ZNF215: variants seen among roughly 807,000 people sequenced by gnomAD.
ZNF215 encodes the protein BWSCR2-associated zinc finger protein 2.
A neutral mutation model predicts 27.2 loss-of-function variants in ZNF215; 24 were observed. The ratio of observed to expected loss-of-function variants is 0.88; its 90% confidence interval spans 0.64 to 1.24. The LOEUF (loss-of-function observed/expected upper bound fraction) is 1.24, where lower values mean the gene tolerates loss of function less well. ZNF215 is among the 50% of genes most tolerant of loss of function. The pLI is 0.00. For synonymous variants in ZNF215, 210 were observed against 204.0 expected (o/e 1.03, Z -0.25); for missense variants, 675 against 605.7 (o/e 1.11, Z -1.20).
chr11:6,986,666 CAA>C (rs1851057700), downstream of ZNF215, among the ~76,000 whole-genome samples: 1 of 151,724 alleles, frequency 6.6e-6, no homozygotes. Flanking sequence ...AATCAACAAA[CAA>C]AAACCCCATT....
At chr11:6,990,226 C>T (rs1851101869), downstream of ZNF215, among the ~76,000 whole-genome samples, 1 of 152,158 alleles carries the variant, frequency 6.6e-6, no homozygotes. Context: ...CCATGGATTT[C>T]TTCGTAGCAG....
chr11:6,957,744 G>C lies in ZNF215; in HGVS notation c.*1213G>C. On this transcript the variant is annotated 3_prime_UTR_variant, in exon 7 of 7. Coordinates refer to ENST00000278319, the MANE Select transcript of ZNF215 (RefSeq NM_013250.4). ...TGATGATGTTCAGTGCAGACTTACT[G>C]TACCTTTGGGAATTTAGGCTGGAGA... 1 of 985,312 alleles carries C rather than the reference G, an allele frequency of 1.0e-6. No homozygotes were observed. Among genetic ancestry groups the C allele is most frequent in the Non-Finnish European group, 1.2e-6 (1 of 829,894 alleles). 61.0% of individuals were successfully genotyped at this position (985,312 alleles called of 1,614,324 possible).
intron 5 of ZNF215, among the ~76,000 whole-genome samples, chr11:6,968,847 C>G (rs1049430946): frequency 6.6e-6 from 1 of 151,860 alleles, no homozygotes; most frequent in Non-Finnish European, 1.5e-5. Context: ...GCCTGGGCAA[C>G]AGAGCGAGAC....
intron 2 of ZNF215, among the ~76,000 whole-genome samples, chr11:6,929,227 G>GA (rs1001504529): frequency 6.6e-6 from 1 of 152,038 alleles, no homozygotes. Context: ...CATTCACAGA[G>GA]AAAAAAAGTT....
chr11:6,958,930 C>A (rs914887903), downstream of ZNF215, among the ~76,000 whole-genome samples: 2 of 152,160 alleles, frequency 1.3e-5, no homozygotes, highest in African/African-American at 4.8e-5. Flanking sequence ...TTTGGCCACA[C>A]TGGCAGCTGA....
intron 6 of ZNF215, among the ~76,000 whole-genome samples, chr11:6,952,860 C>T (rs1052433468): frequency 2.0e-5 from 3 of 151,544 alleles, no homozygotes; most frequent in East Asian, 1.9e-4. Context: ...CATGATTTTG[C>T]AGTGGCTGGT....
intron 5 of ZNF215, among the ~76,000 whole-genome samples, chr11:6,983,162 A>C (rs1296782206): frequency 6.6e-6 from 1 of 152,234 alleles, no homozygotes; most frequent in African/African-American, 2.4e-5. Flanking sequence ...ATCTAGAAGA[A>C]ATGGATAAAC....
At chr11:6,939,240 T>A (rs969960097) in intron 3 of ZNF215, among the ~76,000 whole-genome samples, 5 of 152,296 alleles carry the variant, frequency 3.3e-5, no homozygotes, top group African/African-American at 1.2e-4. Flanking sequence ...TGTGTCAGTG[T>A]TGAAGCAACC....
downstream of ZNF215, among the ~76,000 whole-genome samples, chr11:6,987,801 T>C (rs777048369): frequency 1.3e-5 from 2 of 152,180 alleles, no homozygotes; most frequent in Non-Finnish European, 1.5e-5. Context: ...TATCACAGTA[T>C]GTCTTCTTTC....
intron 3 of ZNF215, among the ~76,000 whole-genome samples, chr11:6,933,005 A>G (rs1849317592): frequency 1.3e-5 from 2 of 152,212 alleles, no homozygotes; most frequent in South Asian, 2.1e-4. Flanking sequence ...CATTTTGTCT[A>G]TGATTGCTTT....
intron 5 of ZNF215, among the ~76,000 whole-genome samples, chr11:6,976,508 T>C (rs1850837039): frequency 6.6e-6 from 1 of 152,030 alleles, no homozygotes. Flanking sequence ...ATAGAAAATA[T>C]GTGAAAATGA....
chr11:6,960,740 G>A (rs1222790729), downstream of ZNF215, among the ~76,000 whole-genome samples: 2 of 152,088 alleles, frequency 1.3e-5, no homozygotes, highest in Admixed American at 1.3e-4. Flanking sequence ...ATGATTAAGA[G>A]CAAGAAACCC....
Position 6,955,720 on chromosome 11 carries a change from C to T in ZNF215, c.743C>T (p.Ser248Phe), listed in dbSNP as rs144458020. Reference protein sequence around the residue: ...DMKSISGEESSHGVIMTRLTE... With the variant: ...DMKSISGEESFHGVIMTRLTE... Reference sequence around the variant, plus strand: ...AAGAGTATTTCTGGAGAAGAATCATCCCATGGAGTGATTATGACAAGGCTT... The same window carrying T: ...AAGAGTATTTCTGGAGAAGAATCATTCCATGGAGTGATTATGACAAGGCTT... The change falls in exon 7 of 7, where the codon TCC (serine) becomes TTC (phenylalanine). Residue 248 changes from serine (S) to phenylalanine (F), a missense_variant. Transcript: ENST00000278319. 8 of 1,584,060 alleles carry T rather than the reference C, an allele frequency of 5.1e-6. No homozygotes were observed. Among genetic ancestry groups the T allele is most frequent in the Non-Finnish European group, 6.0e-6 (7 of 1,169,480 alleles).
At chr11:6,979,566 C>T (rs973119896) in intron 5 of ZNF215, among the ~76,000 whole-genome samples, 3 of 151,942 alleles carry the variant, frequency 2.0e-5, no homozygotes, top group Admixed American at 1.3e-4. Context: ...ATTTTAGGAA[C>T]AGTAATGAGT....
At chr11:6,983,660 A>C (rs562727066) in intron 5 of ZNF215, among the ~76,000 whole-genome samples, 1 of 152,338 alleles carries the variant, frequency 6.6e-6, no homozygotes, top group East Asian at 1.9e-4. Flanking sequence ...AATATTATGA[A>C]GTGGAAATAG....
chr11:6,969,667 A>G (rs1374489308), intron 5 of ZNF215, among the ~76,000 whole-genome samples: 1 of 152,240 alleles, frequency 6.6e-6, no homozygotes. Flanking sequence ...GATTTAAAAT[A>G]TAGTATACTT....
At chr11:6,984,043 T>C in intron 5 of ZNF215, 1 of 357,614 alleles carries the variant, frequency 2.8e-6, no homozygotes, top group Admixed American at 3.9e-5. Flanking sequence ...TAACATACTC[T>C]CAAACGCTAT....
At chr11:6,932,735 T>G in intron 3 of ZNF215, 63 bp downstream of exon 3, 1 of 1,474,116 alleles carries the variant, frequency 6.8e-7, no homozygotes, top group Non-Finnish European at 9.1e-7. Context: ...AGAAATTATC[T>G]TTTTTTGAGG....
downstream of ZNF215, among the ~76,000 whole-genome samples, chr11:6,958,596 A>T (rs900153662): frequency 4.6e-5 from 7 of 152,210 alleles, no homozygotes; most frequent in Admixed American, 2.6e-4. Context: ...AGAGGGACAG[A>T]ACCAATAGGA....
Sources: gnomAD v4.1 joint callset for allele counts (sites outside exome capture counted in the v4.1 genomes callset) on GRCh38, gnomAD v4.1.1 for gene constraint, MANE v1.5 for transcripts, NCBI Gene and HGNC (gene_info 2026-07-23, HGNC 2026-07-21) for gene names.